USP34: variants seen among roughly 807,000 people sequenced by gnomAD.
USP34 encodes ubiquitin specific peptidase 34, also known as ubiquitin carboxyl-terminal hydrolase 34.
A neutral mutation model predicts 460.3 loss-of-function variants in USP34; 70 were observed. The ratio of observed to expected loss-of-function variants is 0.15; its 90% CI spans 0.13 to 0.19. The LOEUF is 0.19. USP34 is among the 10% of genes least tolerant of loss of function. The pLI is 1.00. For missense variants in USP34, 3,985 were observed against 4,236.2 expected (o/e 0.94, Z 1.65); for synonymous variants, 1,647 against 1,405.3 (o/e 1.17, Z -3.85).
At chr2:61,442,715 T>G (rs965013524) in intron 1 of USP34, among the ~76,000 whole-genome samples, 1 of 152,128 alleles carries the variant, frequency 6.6e-6, no homozygotes, top group Admixed American at 6.5e-5. Context: ...CTCAAAAAAC[T>G]ACAAACACGA....
In USP34 at chr2:61,338,629, C is replaced by A. The variant is rs938089369; in HGVS notation, c.2744+722G>T. 2.6e-5 allele frequency among the ~76,000 whole-genome samples: 4 copies of A among 152,162 alleles called. No homozygotes were observed. The South Asian group carries it at 6.2e-4, about 24-fold the overall frequency. ...ACACACCAGAATTGTGTTTTCACTA[C>A]ATTAGAGAATGGAACACTATCAAAG... On this transcript the variant is annotated intron_variant, in intron 18 of 79. Coordinates refer to ENST00000398571, the MANE Select transcript of USP34 (RefSeq NM_014709.4).
chr2:61,470,836 G>C lies in USP34; in HGVS notation c.-144C>G, dbSNP rs953906524. The C allele has an allele frequency of 7.9e-6, 4 of 508,096 alleles. No homozygotes were observed. The highest frequency in any genetic ancestry group is 2.1e-5 in the African/African-American group (1 of 47,932). 31.5% of individuals were successfully genotyped at this position (508,096 alleles called of 1,614,324 possible). A position where few individuals can be genotyped will look rare whatever the true frequency, so the allele number is the denominator to read the frequency against. On this transcript the variant is annotated 5_prime_UTR_variant, in exon 1 of 80. Transcript: ENST00000398571. ...ACTAGGGCGGGCGGCGGCGGGGACG[G>C]GGCGGGGAGCAAGAGAATGGGGGAG...
intron 2 of USP34, among the ~76,000 whole-genome samples, chr2:61,414,895 G>C (rs1168682616): frequency 6.6e-6 from 1 of 152,122 alleles, no homozygotes. Flanking sequence ...TATGGAAAGT[G>C]GGACCAGTCA....
At chr2:61,190,095 T>C in intron 78 of USP34, 176 bp downstream of exon 78, 1 of 672,282 alleles carries the variant, frequency 1.5e-6, no homozygotes, top group Non-Finnish European at 2.3e-6. Context: ...TGATAGAGTG[T>C]GCTGTGTACA....
chr2:61,395,713 A>G lies in USP34; in HGVS notation c.553-480T>C, dbSNP rs1004371412. 3.4e-5 allele frequency among the ~76,000 whole-genome samples: 5 copies of G among 146,140 alleles called. No individual in the cohort carries two copies. In the East Asian group the frequency reaches 6.0e-4, roughly 17 times the overall value. Reference sequence around the variant, plus strand: ...AGGCAGGAGAATGGCGTGAACCCGGAAGGCGGAGCTTGCAGTGAGCGGAGA... The same window carrying G: ...AGGCAGGAGAATGGCGTGAACCCGGGAGGCGGAGCTTGCAGTGAGCGGAGA... On this transcript the variant is annotated intron_variant, in intron 3 of 79. Transcript: ENST00000398571.
intron 5 of USP34, among the ~76,000 whole-genome samples, chr2:61,391,732 GAAAT>G (rs1258341321): frequency 6.6e-6 from 1 of 152,080 alleles, no homozygotes. Flanking sequence ...AAATTACTAT[GAAAT>G]AAATAAAGCA....
At chr2:61,347,662 C>T (rs554325449) in intron 15 of USP34, among the ~76,000 whole-genome samples, 1 of 152,200 alleles carries the variant, frequency 6.6e-6, no homozygotes, top group South Asian at 2.1e-4. Flanking sequence ...GTGTGAGCCA[C>T]TGTGCATGGC....
chr2:61,248,242 C>A (rs1331776340), intron 49 of USP34, among the ~76,000 whole-genome samples: 3 of 149,966 alleles, frequency 2.0e-5, no homozygotes, highest in African/African-American at 7.4e-5. Context: ...ACTTACCCCA[C>A]GAGATTTAAG....
intron 1 of USP34, among the ~76,000 whole-genome samples, chr2:61,429,744 C>T (rs911009692): frequency 1.4e-4 from 21 of 152,288 alleles, no homozygotes; most frequent in Non-Finnish European, 2.6e-4. Context: ...AAAAAGAATA[C>T]CAACCAGATG....
intron 51 of USP34, among the ~76,000 whole-genome samples, chr2:61,243,507 T>A (rs552227348): frequency 2.6e-5 from 4 of 151,286 alleles, no homozygotes; most frequent in South Asian, 2.1e-4. Context: ...AAAGTGGACC[T>A]GCAATTTGAA....
chr2:61,356,179 TAAAAAAAAA>T (rs79679650), intron 10 of USP34, among the ~76,000 whole-genome samples: 49,654 of 138,836 alleles, frequency 0.36, 8,301 homozygotes, highest in Non-Finnish European at 0.4. Flanking sequence ...TGAATGAATT[TAAAAAAAAA>T]AAAAAAAAAG....
chr2:61,350,880 A>G lies in USP34; in HGVS notation c.1252-187T>C, dbSNP rs150544231. Among the ~76,000 whole-genome samples the G allele has an allele frequency of 2.0e-5, 3 of 152,330 alleles. No homozygotes were observed. In the East Asian group the frequency reaches 5.8e-4, roughly 29 times the overall value. On this transcript the variant is annotated intron_variant, in intron 10 of 79. Coordinates refer to ENST00000398571, the MANE Select transcript of USP34 (RefSeq NM_014709.4). Reference sequence around the variant, plus strand: ...TAAAACAGTAAAAACAAATTCACCTAAACAGAAATGAAACTTAACCAAACA... The same window carrying G: ...TAAAACAGTAAAAACAAATTCACCTGAACAGAAATGAAACTTAACCAAACA...
intron 53 of USP34, among the ~76,000 whole-genome samples, chr2:61,239,300 TCACACA>T (rs60152908): frequency 0.056 from 7,445 of 132,658 alleles, 251 homozygotes; most frequent in South Asian, 0.095. Context: ...GAGGGCCCTG[TCACACA>T]CACACACACA....
intron 1 of USP34, among the ~76,000 whole-genome samples, chr2:61,461,889 T>C (rs373795651): frequency 6.6e-6 from 1 of 152,252 alleles, no homozygotes; most frequent in East Asian, 1.9e-4. Context: ...TTATTCATAA[T>C]ATGGGAGAAC....
At chr2:61,280,482 G>T in intron 38 of USP34, 134 bp from the exon 39 acceptor site, 1 of 415,388 alleles carries the variant, frequency 2.4e-6, no homozygotes, top group Non-Finnish European at 4.1e-6. Context: ...TTTAAAAATG[G>T]AGTACACGCT....
At chr2:61,402,312 C>A (rs1406204592) in intron 3 of USP34, among the ~76,000 whole-genome samples, 1 of 151,936 alleles carries the variant, frequency 6.6e-6, no homozygotes, top group Non-Finnish European at 1.5e-5. Context: ...TAGGCCATTC[C>A]CCCTTTTGAT....
chr2:61,196,103 C>T (rs1402104023), intron 75 of USP34, among the ~76,000 whole-genome samples: 2 of 32,406 alleles, frequency 6.2e-5, no homozygotes, highest in Non-Finnish European at 1.2e-4. Context: ...TTTTTTGAGA[C>T]GGAGTCTCGC....
intron 2 of USP34, among the ~76,000 whole-genome samples, chr2:61,419,134 G>A (rs1002128166): frequency 3.9e-5 from 6 of 151,918 alleles, no homozygotes; most frequent in Non-Finnish European, 8.8e-5. Context: ...ATCATCACTC[G>A]TTCACAGGTG....
intron 6 of USP34, among the ~76,000 whole-genome samples, chr2:61,381,800 A>G (rs1692983631): frequency 1.3e-5 from 2 of 152,160 alleles, no homozygotes; most frequent in Admixed American, 1.3e-4. Context: ...CAACTCTTAC[A>G]TTAATGAAAA....
Sources: gnomAD v4.1 joint callset for allele counts (sites outside exome capture counted in the v4.1 genomes callset) on GRCh38, gnomAD v4.1.1 for gene constraint, MANE v1.5 for transcripts, NCBI Gene and HGNC (gene_info 2026-07-23, HGNC 2026-07-21) for gene names.